The following APP variants were observed in gnomAD, a reference collection of about 807,000 sequenced individuals.
APP encodes amyloid-beta precursor protein.
APP carries 31 observed loss-of-function variants against 101.4 expected under a neutral mutation model. The observed-to-expected ratio is 0.31, with a 90% CI of 0.23 to 0.41. The LOEUF is 0.41. Ranked by LOEUF, APP falls within the 10% of genes least tolerant of loss-of-function variation. The pLI, the probability that APP is intolerant of heterozygous loss-of-function variation, is 1.00. For missense variants in APP, 839 were observed against 1,003.7 expected (o/e 0.84, Z 2.22); for synonymous variants, 366 against 364.4 (o/e 1.00, Z -0.05).
At position 25,885,713 on chromosome 21, in the gene APP, A is replaced by G. The variant is rs150583591; in HGVS notation, c.2212-3942T>C. 2.4e-3 allele frequency among the ~76,000 whole-genome samples: 359 copies of G among 152,240 alleles called. 3 individuals are homozygous for G. The highest frequency in any genetic ancestry group is 8.1e-3 in the African/African-American group (336 of 41,542). On this transcript the variant is annotated intron_variant, in intron 17 of 17. Coordinates refer to ENST00000346798, the MANE Select transcript of APP (RefSeq NM_000484.4). The stretch of plus-strand genomic sequence containing the variant: ...ACGCTGAAAAGAGCTGAGCCCAAAT[A>G]GCCTGACCAGCCTTGTTCTAAAATA...
intron 6 of APP, among the ~76,000 whole-genome samples, chr21:26,007,217 C>A (rs1226591660): frequency 6.6e-6 from 1 of 151,190 alleles, no homozygotes; most frequent in Admixed American, 6.6e-5. Context: ...GTAAAAAGGG[C>A]AAATGTAAGA....
chr21:26,147,793 G>C (rs10460695), intron 1 of APP, among the ~76,000 whole-genome samples: 1 of 151,494 alleles, frequency 6.6e-6, no homozygotes, highest in Non-Finnish European at 1.5e-5. Context: ...TACACACACC[G>C]GGCTAATCAG....
intron 14 of APP, among the ~76,000 whole-genome samples, chr21:25,906,226 A>T (rs555622883): frequency 2.0e-5 from 3 of 152,362 alleles, no homozygotes; most frequent in African/African-American, 7.2e-5. Context: ...AAATATAAGA[A>T]AATATTTCCG....
intron 15 of APP, among the ~76,000 whole-genome samples, chr21:25,904,118 G>T (rs1461647981): frequency 6.6e-6 from 1 of 152,148 alleles, no homozygotes; most frequent in African/African-American, 2.4e-5. Context: ...TGAGGATAAA[G>T]AAGAAAATAA....
intron 1 of APP, among the ~76,000 whole-genome samples, chr21:26,168,554 CCT>C: frequency 6.6e-6 from 1 of 152,230 alleles, no homozygotes. Flanking sequence ...CTACATGCTT[CCT>C]CTTTTTATAC....
chr21:25,999,669 C>T (rs963453653), intron 7 of APP, among the ~76,000 whole-genome samples: 2 of 152,214 alleles, frequency 1.3e-5, no homozygotes, highest in Admixed American at 1.3e-4. Flanking sequence ...CGGACAAACA[C>T]ATAAGTATGC....
chr21:26,056,100 G>A (rs1485540576), intron 3 of APP, among the ~76,000 whole-genome samples: 2 of 152,166 alleles, frequency 1.3e-5, no homozygotes, highest in Non-Finnish European at 2.9e-5. Flanking sequence ...GTAGTGGTTG[G>A]ATCAATGGCT....
chr21:26,013,737 TTCTC>T (rs1261250043), intron 6 of APP, among the ~76,000 whole-genome samples: 1 of 152,158 alleles, frequency 6.6e-6, no homozygotes, highest in Non-Finnish European at 1.5e-5. Flanking sequence ...AACCACTGAA[TTCTC>T]TCTCACACAC....
intron 9 of APP, among the ~76,000 whole-genome samples, chr21:25,978,070 A>T (rs116184779): frequency 0.013 from 2,033 of 152,316 alleles, 43 homozygotes; most frequent in African/African-American, 0.046. Flanking sequence ...TACCTCATAC[A>T]CTTTAAGAAA....
At chr21:26,042,915 TAA>T (rs35250381) in intron 5 of APP, among the ~76,000 whole-genome samples, 94 of 147,828 alleles carry the variant, frequency 6.4e-4, no homozygotes, top group African/African-American at 2.2e-3. Context: ...ACCTGTCTCC[TAA>T]AAAAAAAAAT....
intron 11 of APP, among the ~76,000 whole-genome samples, chr21:25,963,738 T>C (rs550638843): frequency 6.6e-6 from 1 of 152,342 alleles, no homozygotes; most frequent in South Asian, 2.1e-4. Flanking sequence ...CTTGAGATGA[T>C]CTTAGTTAAA....
Position 26,020,194 on chromosome 21 carries a change from T to C in APP, c.865+1646A>G, listed in dbSNP as rs2044276538. Among the ~76,000 whole-genome samples, 3 of 152,176 alleles carry C rather than the reference T, an allele frequency of 2.0e-5. No individual in the cohort carries two copies. The South Asian group carries it at 6.2e-4, about 31-fold the overall frequency. ...GAAGTCGGACACAAAAGACCATGTA[T>C]TATATGATCCCACTTATAATAACAG... On this transcript the variant is annotated intron_variant, in intron 6 of 17. Coordinates refer to ENST00000346798, the MANE Select transcript of APP (RefSeq NM_000484.4).
In APP at chr21:25,897,754, C is replaced by T. The variant is rs1209635393; in HGVS notation, c.1964-81G>A. The T allele has an allele frequency of 2.0e-5, 24 of 1,194,614 alleles. No homozygotes were observed. The East Asian group carries it at 4.9e-4, about 24-fold the overall frequency. The allele number at this position is 1,194,614 out of a possible 1,614,324, so 74.0% of individuals were successfully genotyped here. On this transcript the variant is annotated intron_variant, in intron 15 of 17. Transcript: ENST00000346798. ...TAATAACACTGTAAGACAAAGCCTA[C>T]CCAAAACTTCTTTCTAGGCCTGAAG...
intron 1 of APP, among the ~76,000 whole-genome samples, chr21:26,153,438 C>T (rs1033578531): frequency 2.0e-5 from 3 of 150,166 alleles, no homozygotes; most frequent in African/African-American, 7.4e-5. Context: ...CCTAAGGAAA[C>T]GCAGATACCC....
chr21:25,977,832 G>A (rs978240370), intron 9 of APP, among the ~76,000 whole-genome samples: 1 of 152,176 alleles, frequency 6.6e-6, no homozygotes, highest in South Asian at 2.1e-4. Context: ...AGTTAATAAA[G>A]GGAACCTGTG....
chr21:26,123,777 C>G (rs2062624724), intron 1 of APP, among the ~76,000 whole-genome samples: 1 of 152,168 alleles, frequency 6.6e-6, no homozygotes, highest in Non-Finnish European at 1.5e-5. Flanking sequence ...TGCAGTCTTA[C>G]TCTTGGATGT....
chr21:26,050,178 G>A (rs1054288738), intron 5 of APP, among the ~76,000 whole-genome samples: 1 of 152,096 alleles, frequency 6.6e-6, no homozygotes, highest in African/African-American at 2.4e-5. Flanking sequence ...GTAGTTTGCC[G>A]ATTATAAACT....
At position 26,026,518 on chromosome 21, in the gene APP, G is replaced by A. The variant is rs185787614; in HGVS notation, c.663-4476C>T. ...TGATATAATTCCACATGCAGGTGCC[G>A]CCTGATAAGTCCCTTTACAGAGTGA... On this transcript the variant is annotated intron_variant, in intron 5 of 17. Coordinates refer to ENST00000346798, the MANE Select transcript of APP (RefSeq NM_000484.4). Among the ~76,000 whole-genome samples the A allele has an allele frequency of 3.2e-4, 48 of 151,950 alleles. No homozygotes were observed. In the East Asian group the frequency reaches 7.3e-3, roughly 23 times the overall value.
At chr21:25,997,166 TTCTTAGCCCAACATC>T in intron 8 of APP, 179 bp downstream of exon 8, 1 of 614,442 alleles carries the variant, frequency 1.6e-6, no homozygotes, top group South Asian at 2.0e-5. Context: ...GTCAATGATG[TTCTTAGCCCAACATC>T]TCAAGCTGTC....
Sources: gnomAD v4.1 joint callset for allele counts (sites outside exome capture counted in the v4.1 genomes callset) on GRCh38, gnomAD v4.1.1 for gene constraint, MANE v1.5 for transcripts, NCBI Gene and HGNC (gene_info 2026-07-23, HGNC 2026-07-21) for gene names.